KANSL3: variants seen among roughly 807,000 people sequenced by gnomAD.
KANSL3 encodes KAT8 regulatory NSL complex subunit 3.
KANSL3 carries 16 observed loss-of-function variants against 89.2 expected under a neutral mutation model. The ratio of observed to expected loss-of-function variants is 0.18; its 90% CI spans 0.12 to 0.27. KANSL3 has a LOEUF of 0.27. Among genes scored for constraint, KANSL3 ranks in the 10% least tolerant of loss-of-function variants. The pLI is 1.00. For missense variants in KANSL3, 879 were observed against 1,110.6 expected, an observed-to-expected ratio of 0.79 and a Z score of 2.96; for synonymous variants, 385 against 419.7, an observed-to-expected ratio of 0.92 and a Z score of 1.01.
At chr2:96,590,771 G>T (rs2066265461), downstream of KANSL3, among the ~76,000 whole-genome samples, 1 of 151,968 alleles carries the variant, frequency 6.6e-6, no homozygotes, top group African/African-American at 2.4e-5. Flanking sequence ...ATTGCCTGAG[G>T]TCAGGAGTTT....
At chr2:96,605,206 CG>C (rs2067797522) in intron 15 of KANSL3, 113 bp downstream of exon 15, 7 of 911,710 alleles carry the variant, frequency 7.7e-6, no homozygotes, top group Non-Finnish European at 1.2e-5. Context: ...TTCTTTGCTC[CG>C]GGCATCTCTC....
intron 5 of KANSL3, 42 bp from the exon 6 acceptor site, chr2:96,613,661 G>A: frequency 6.3e-7 from 1 of 1,593,358 alleles, no homozygotes; most frequent in Non-Finnish European, 8.6e-7. Context: ...GTGTAAAGCA[G>A]GAGACCTTCC....
At chr2:96,588,144 C>T in the KANSL3 span, among the ~76,000 whole-genome samples, 2 of 151,426 alleles carry the variant, frequency 1.3e-5, no homozygotes, top group Non-Finnish European at 2.9e-5. Flanking sequence ...TATACAGGTT[C>T]AAGAAGCTGA....
intron 5 of KANSL3, among the ~76,000 whole-genome samples, chr2:96,617,637 G>A (rs1384566721): frequency 6.6e-6 from 1 of 151,814 alleles, no homozygotes; most frequent in African/African-American, 2.4e-5. Flanking sequence ...AAGATGGGAG[G>A]ACTGCTTGAG....
intron 18 of KANSL3, 44 bp from the exon 19 acceptor site, chr2:96,602,382 C>G (rs369566749): frequency 2.7e-6 from 4 of 1,461,242 alleles, no homozygotes; most frequent in Non-Finnish European, 3.8e-6. Flanking sequence ...TGTCGCCCAA[C>G]AGCAACATTC....
intron 2 of KANSL3, chr2:96,634,210 A>G (rs1238935032): frequency 1.3e-5 from 2 of 152,234 alleles, no homozygotes; most frequent in Non-Finnish European, 2.9e-5. Context: ...ATGAACATCT[A>G]AAGGTCTTTC....
chr2:96,617,078 G>A (rs1052757060), intron 5 of KANSL3, among the ~76,000 whole-genome samples: 4 of 152,114 alleles, frequency 2.6e-5, no homozygotes, highest in African/African-American at 9.7e-5. Flanking sequence ...AGATGCCTAC[G>A]ATACTTCTGG....
intron 2 of KANSL3, 97 bp downstream of exon 2, chr2:96,636,824 C>A: frequency 9.5e-7 from 1 of 1,048,708 alleles, no homozygotes; most frequent in Non-Finnish European, 1.4e-6. Flanking sequence ...ATGCCTCATA[C>A]AATCTCCCCC....
intron 3 of KANSL3, among the ~76,000 whole-genome samples, chr2:96,624,073 T>A (rs2105940029): frequency 6.6e-6 from 1 of 152,330 alleles, no homozygotes; most frequent in Non-Finnish European, 1.5e-5. Flanking sequence ...TTTTTGTGGT[T>A]TGATATTCAG....
chr2:96,615,629 C>CT, intron 5 of KANSL3: 1 of 592,678 alleles, frequency 1.7e-6, no homozygotes, highest in Non-Finnish European at 2.7e-6. Flanking sequence ...ATAAAAAGTA[C>CT]TACGGTTTGA....
Position 96,609,578 on chromosome 2 carries a change from G to A in KANSL3, c.1320-16C>T. On this transcript the variant is annotated splice_polypyrimidine_tract_variant and intron_variant, in intron 11 of 20. Transcript: ENST00000431828. ...TTTGCTTATTCTAAGAAACAAAAAG[G>A]ATGACATGTTTACTTCTTACACATT... The A allele has an allele frequency of 6.2e-7, 1 of 1,606,106 alleles. No individual in the cohort carries two copies. Among genetic ancestry groups the A allele is most frequent in the Non-Finnish European group, 8.5e-7 (1 of 1,172,796 alleles).
At position 96,608,859 on chromosome 2, in the gene KANSL3, A is replaced by G. The variant is rs749501329; in HGVS notation, c.1584+5T>C. ...GCAAAAGCGCTCCCTCCCTGCTCAC[A>G]CTACCTCTGAGCCTGAGGGTGAGGC... On this transcript the variant is annotated splice_donor_5th_base_variant and intron_variant, in intron 13 of 20. Transcript: ENST00000431828. 3 of 1,570,354 alleles carry G rather than the reference A, an allele frequency of 1.9e-6. No individual in the cohort carries two copies. The highest frequency in any genetic ancestry group is 2.6e-6 in the Non-Finnish European group (3 of 1,158,294).
At chr2:96,590,762 T>C (rs189299646), downstream of KANSL3, among the ~76,000 whole-genome samples, 4 of 152,042 alleles carry the variant, frequency 2.6e-5, no homozygotes, top group East Asian at 3.9e-4. Flanking sequence ...GGCAGGAGGA[T>C]TGCCTGAGGT....
At chr2:96,584,612 G>A in the KANSL3 span, among the ~76,000 whole-genome samples, 1 of 152,220 alleles carries the variant, frequency 6.6e-6, no homozygotes, top group Non-Finnish European at 1.5e-5. Context: ...GCTCCTACCT[G>A]TGGGTGAGAA....
rs577996405 is a variant in KANSL3, at chr2:96,624,883, G to A, written c.387-5121C>T. Among the ~76,000 whole-genome samples the A allele has an allele frequency of 9.2e-5, 14 of 151,838 alleles. No individual in the cohort carries two copies. In the South Asian group the frequency reaches 2.7e-3, roughly 30 times the overall value. Reference sequence around the variant, plus strand: ...CTCTGTAGGATAATTTTCTTCAAATGGAAATAACCAAAGGCTATCTGTGTT... The same window carrying A: ...CTCTGTAGGATAATTTTCTTCAAATAGAAATAACCAAAGGCTATCTGTGTT... On this transcript the variant is annotated intron_variant, in intron 3 of 20. Coordinates refer to ENST00000431828, the MANE Select transcript of KANSL3 (RefSeq NM_001115016.3).
In KANSL3 at chr2:96,596,284, G is replaced by A. The variant is rs555619753; in HGVS notation, c.2617-653C>T. Reference sequence around the variant, plus strand: ...TGTAGTAAAGGAGGGAAGGCCAGGCGAGGTGGCTCATGCCTATAATCCCAA... The same window carrying A: ...TGTAGTAAAGGAGGGAAGGCCAGGCAAGGTGGCTCATGCCTATAATCCCAA... On this transcript the variant is annotated intron_variant, in intron 20 of 20. Coordinates refer to ENST00000431828, the MANE Select transcript of KANSL3 (RefSeq NM_001115016.3). 3.9e-5 allele frequency among the ~76,000 whole-genome samples: 6 copies of A among 152,238 alleles called. No homozygotes were observed. In the Middle Eastern group the frequency reaches 9.5e-3, roughly 241 times the overall value.
chr2:96,596,668 G>A (rs920424794), intron 20 of KANSL3, among the ~76,000 whole-genome samples: 3 of 152,180 alleles, frequency 2.0e-5, no homozygotes. Context: ...AACCTCATGG[G>A]CTTCCCTGCC....
In KANSL3 at chr2:96,611,016, G is replaced by A. The variant is rs150432990; in HGVS notation, c.1161+48C>T. On this transcript the variant is annotated intron_variant, in intron 10 of 20. Coordinates refer to ENST00000431828, the MANE Select transcript of KANSL3 (RefSeq NM_001115016.3). ...CAGCTTGGACAAGGCATGCACACTC[G>A]CGCTCCCACTGCCAATGACCCAGCA... is the stretch of plus-strand genomic sequence containing the variant. The A allele has an allele frequency of 2.9e-4, 458 of 1,589,688 alleles. 3 individuals are homozygous for A. The South Asian group carries it at 3.1e-3, about 11-fold the overall frequency.
downstream of KANSL3, among the ~76,000 whole-genome samples, chr2:96,589,448 G>A (rs1263328632): frequency 1.3e-5 from 2 of 151,898 alleles, no homozygotes; most frequent in South Asian, 2.1e-4. Context: ...AAACCAACAG[G>A]GACAGAGGGA....
Sources: gnomAD v4.1 joint callset for allele counts (sites outside exome capture counted in the v4.1 genomes callset) on GRCh38, gnomAD v4.1.1 for gene constraint, MANE v1.5 for transcripts, NCBI Gene and HGNC (gene_info 2026-07-23, HGNC 2026-07-21) for gene names.